PUDP: variants seen among roughly 807,000 people sequenced by gnomAD.
PUDP encodes pseudouridine 5'-phosphatase, also known as pseudouridine-5'-phosphatase.
A neutral mutation model predicts 9.4 loss-of-function variants in PUDP; 8 were observed. The observed-to-expected ratio is 0.85, with a 90% CI of 0.50 to 1.53. The LOEUF (loss-of-function observed/expected upper bound fraction) is 1.53. Among genes scored for constraint, PUDP ranks in the 40% most tolerant of loss-of-function variants. PUDP has a pLI of 0.00. For missense variants in PUDP, 188 were observed against 189.7 expected, an observed-to-expected ratio of 0.99 and a Z score of 0.05; for synonymous variants, 99 against 80.7, an observed-to-expected ratio of 1.23 and a Z score of -1.22.
At chrX:7,085,819 T>C (rs1720274339) in intron 2 of PUDP, among the ~76,000 whole-genome samples, 1 of 111,540 alleles carries the variant, frequency 9.0e-6, no homozygotes, top group Admixed American at 9.5e-5. Context: ...AGTCTTTTTC[T>C]CCACAAGGCC....
At chrX:7,018,239 C>T (rs965859182) in intron 1 of PUDP, among the ~76,000 whole-genome samples, 5 of 111,794 alleles carry the variant, frequency 4.5e-5, no homozygotes, top group African/African-American at 1.6e-4. Context: ...ATGGACTCGA[C>T]CTGAATTCTT....
At chrX:6,798,511 T>C (rs940578804) in intron 3 of PUDP, among the ~76,000 whole-genome samples, 4 of 111,338 alleles carry the variant, frequency 3.6e-5, no homozygotes, top group African/African-American at 6.5e-5. Flanking sequence ...ATGTTCACAT[T>C]TGGAAAAAAG....
At chrX:6,975,823 G>A (rs1928945834) in intron 3 of PUDP, among the ~76,000 whole-genome samples, 1 of 112,253 alleles carries the variant, frequency 8.9e-6, no homozygotes, top group Non-Finnish European at 1.9e-5. Context: ...TCCCCCAGGT[G>A]CTCTGTCTCA....
chrX:6,863,172 C>T (rs1927028703), intron 3 of PUDP, among the ~76,000 whole-genome samples: 1 of 111,907 alleles, frequency 8.9e-6, no homozygotes, highest in African/African-American at 3.2e-5. Flanking sequence ...GCCTCAACCT[C>T]CCAAGTAGCT....
rs1348563774 is a variant in PUDP at position 7,040,518 on chromosome X, G to GC, written c.204+36701_204+36702insG. Among the ~76,000 whole-genome samples, 12 of 59,185 alleles carry GC rather than the reference G, an allele frequency of 2.0e-4. 1 individual carries two copies. The South Asian group carries it at 0.013, about 64-fold the overall frequency. 51.4% of individuals were successfully genotyped at this position (59,185 alleles called of 115,157 possible). A position where few individuals can be genotyped will look rare whatever the true frequency, so the allele number is the denominator to read the frequency against. ...TGGACACTCTTCCCTGGAGAGTACA[G>GC]GGATGCTCCTCTCCAAACCTGATCT... On this transcript the variant is annotated intron_variant and NMD_transcript_variant, in intron 1 of 3. Transcript: ENST00000655425.
chrX:7,021,270 T>C (rs1929629131), intron 1 of PUDP, among the ~76,000 whole-genome samples: 1 of 112,270 alleles, frequency 8.9e-6, no homozygotes, highest in Non-Finnish European at 1.9e-5. Context: ...TGGAACAAAC[T>C]GATAGGGAAG....
chrX:6,789,890 CAAAT>C (rs1407070964), intron 3 of PUDP, among the ~76,000 whole-genome samples: 2 of 108,423 alleles, frequency 1.8e-5, no homozygotes, highest in African/African-American at 6.7e-5. Flanking sequence ...TATATATCAG[CAAAT>C]AGAGACAGAA....
At chrX:6,750,579 T>G (rs1165274918) in intron 3 of PUDP, among the ~76,000 whole-genome samples, 1 of 111,669 alleles carries the variant, frequency 9.0e-6, no homozygotes, top group Non-Finnish European at 1.9e-5. Flanking sequence ...GCTGGAAACA[T>G]TGACCCCTGG....
chrX:7,127,214 A>G (rs1399748944), intron 1 of PUDP, among the ~76,000 whole-genome samples: 1 of 112,130 alleles, frequency 8.9e-6, no homozygotes, highest in Non-Finnish European at 1.9e-5. Context: ...ATTCTCAAAG[A>G]GCAACTGACC....
chrX:6,789,806 T>C (rs1259370529), intron 3 of PUDP, among the ~76,000 whole-genome samples: 4 of 9,591 alleles, frequency 4.2e-4, no homozygotes, highest in Non-Finnish European at 6.0e-4. Context: ...GATAAGTAGA[T>C]AGATATAGAT....
At chrX:6,837,921 G>A (rs1759574945) in intron 3 of PUDP, among the ~76,000 whole-genome samples, 1 of 109,959 alleles carries the variant, frequency 9.1e-6, no homozygotes, top group African/African-American at 3.3e-5. Flanking sequence ...AATAACTCAA[G>A]GAGTGCCATA....
intron 1 of PUDP, among the ~76,000 whole-genome samples, chrX:6,713,103 C>T (rs983273836): frequency 6.3e-5 from 7 of 111,968 alleles, no homozygotes; most frequent in African/African-American, 2.3e-4. Context: ...GAAAACAATT[C>T]CTGGCTCCTC....
chrX:6,877,910 G>C (rs1292422630), intron 3 of PUDP, among the ~76,000 whole-genome samples: 1 of 111,993 alleles, frequency 8.9e-6, no homozygotes, highest in Non-Finnish European at 1.9e-5. Context: ...CAATGCCATG[G>C]GGGAGGTGAA....
chrX:6,877,925 C>A (rs1927289908), intron 3 of PUDP, among the ~76,000 whole-genome samples: 1 of 111,799 alleles, frequency 8.9e-6, no homozygotes, highest in African/African-American at 3.2e-5. Flanking sequence ...GGTGAAGGGA[C>A]AAGAACGCGG....
intron 1 of PUDP, among the ~76,000 whole-genome samples, chrX:7,107,554 C>G (rs1464919548): frequency 1.8e-5 from 2 of 112,724 alleles, no homozygotes; most frequent in Non-Finnish European, 3.8e-5. Context: ...GGGGCGGGCG[C>G]GGTGGCTCAC....
chrX:7,028,835 C>A (rs1929754369), intron 1 of PUDP, among the ~76,000 whole-genome samples: 1 of 111,773 alleles, frequency 8.9e-6, no homozygotes, highest in Non-Finnish European at 1.9e-5. Flanking sequence ...GTCCTGGAGG[C>A]TGGAAATCTG....
chrX:6,763,080 A>G (rs1056350104), intron 3 of PUDP, among the ~76,000 whole-genome samples: 2 of 112,516 alleles, frequency 1.8e-5, no homozygotes, highest in African/African-American at 3.2e-5. Flanking sequence ...AATAGCTTTT[A>G]AAAATAAAAA....
intron 3 of PUDP, among the ~76,000 whole-genome samples, chrX:6,727,421 A>C (rs1924752104): frequency 8.9e-6 from 1 of 112,091 alleles, no homozygotes; most frequent in African/African-American, 3.2e-5. Context: ...TAGACTAACT[A>C]AAAAGACCAA....
chrX:7,144,087 C>G (rs1289124621), intron 1 of PUDP, among the ~76,000 whole-genome samples: 1 of 111,916 alleles, frequency 8.9e-6, no homozygotes, highest in Non-Finnish European at 1.9e-5. Flanking sequence ...GATCACTGCA[C>G]GTTCTGGGGT....
Sources: gnomAD v4.1 joint callset for allele counts (sites outside exome capture counted in the v4.1 genomes callset) on GRCh38, gnomAD v4.1.1 for gene constraint, MANE v1.5 for transcripts, NCBI Gene and HGNC (gene_info 2026-07-23, HGNC 2026-07-21) for gene names.